Variants in PTPRD observed in about 807,000 individuals in gnomAD.
The protein encoded by PTPRD is receptor-type tyrosine-protein phosphatase delta.
In PTPRD, 34 loss-of-function variants were observed where a neutral mutation model predicts 214.5. The ratio of observed to expected loss-of-function variants is 0.16; its 90% CI spans 0.12 to 0.21. PTPRD has a LOEUF of 0.21. Among genes scored for constraint, PTPRD ranks in the 10% least tolerant of loss-of-function variants. The pLI, the probability that PTPRD is intolerant of heterozygous loss-of-function variation, is 1.00. For missense variants in PTPRD, 2,545 were observed against 2,398.7 expected, an observed-to-expected ratio of 1.06 and a Z score of -1.27; for synonymous variants, 1,128 against 845.7, an observed-to-expected ratio of 1.33 and a Z score of -5.79.
chr9:9,684,563 C>A (rs1044983439), intron 7 of PTPRD, among the ~76,000 whole-genome samples: 3 of 151,534 alleles, frequency 2.0e-5, no homozygotes, highest in Non-Finnish European at 4.4e-5. Flanking sequence ...AATATTAATA[C>A]TTGGGAGGAG....
chr9:8,353,048 C>G (rs1588434017), intron 39 of PTPRD, among the ~76,000 whole-genome samples: 1 of 151,882 alleles, frequency 6.6e-6, no homozygotes, highest in African/African-American at 2.4e-5. Flanking sequence ...AAGGTGGAGG[C>G]TGCAGTGAGC....
intron 11 of PTPRD, among the ~76,000 whole-genome samples, chr9:8,793,137 T>C (rs1566103471): frequency 6.6e-6 from 1 of 152,196 alleles, no homozygotes; most frequent in Non-Finnish European, 1.5e-5. Flanking sequence ...ACTATGCACA[T>C]ATTGTCTGTA....
chr9:9,694,071 T>C (rs2097325545), intron 7 of PTPRD, among the ~76,000 whole-genome samples: 1 of 152,212 alleles, frequency 6.6e-6, no homozygotes, highest in African/African-American at 2.4e-5. Context: ...AAAGGTTATA[T>C]AGCTCTGTTT....
chr9:9,486,181 A>AAAAAAAAAAAAAAAAT (rs1311084260), intron 8 of PTPRD, among the ~76,000 whole-genome samples: 1 of 135,274 alleles, frequency 7.4e-6, no homozygotes, highest in Non-Finnish European at 1.6e-5. Flanking sequence ...AAAAAAAAAA[A>AAAAAAAAAAAAAAAAT]AAAAGCCTTC....
At chr9:9,528,013 T>C (rs558938948) in intron 8 of PTPRD, among the ~76,000 whole-genome samples, 3 of 152,346 alleles carry the variant, frequency 2.0e-5, no homozygotes, top group South Asian at 2.1e-4. Flanking sequence ...CATTCAATTA[T>C]ACCAAATAAT....
chr9:8,886,324 C>G (rs1270853465), intron 11 of PTPRD, among the ~76,000 whole-genome samples: 3 of 152,046 alleles, frequency 2.0e-5, no homozygotes, highest in Non-Finnish European at 4.4e-5. Context: ...GAAAGGGAAC[C>G]CTTTCATAAT....
chr9:9,475,812 G>C (rs912237857), intron 8 of PTPRD, among the ~76,000 whole-genome samples: 2 of 152,142 alleles, frequency 1.3e-5, no homozygotes, highest in African/African-American at 2.4e-5. Flanking sequence ...GCAATCTGAA[G>C]TTTCAGCACA....
intron 7 of PTPRD, among the ~76,000 whole-genome samples, chr9:9,597,535 T>C (rs1038962537): frequency 3.9e-5 from 6 of 152,020 alleles, no homozygotes; most frequent in African/African-American, 7.2e-5. Context: ...ATGTCTGTTA[T>C]AGGAATATTC....
chr9:9,729,357 G>A (rs2098145040), intron 7 of PTPRD, among the ~76,000 whole-genome samples: 1 of 152,050 alleles, frequency 6.6e-6, no homozygotes, highest in South Asian at 2.1e-4. Flanking sequence ...GAGAAAGACT[G>A]AAAATGCACA....
At chr9:9,330,740 A>C (rs1394561344) in intron 9 of PTPRD, among the ~76,000 whole-genome samples, 1 of 151,960 alleles carries the variant, frequency 6.6e-6, no homozygotes, top group African/African-American at 2.4e-5. Context: ...AGAGAGAAAA[A>C]AGTCATTGAA....
intron 2 of PTPRD, among the ~76,000 whole-genome samples, chr9:10,606,829 A>G (rs949875630): frequency 1.3e-5 from 2 of 151,976 alleles, no homozygotes; most frequent in Non-Finnish European, 2.9e-5. Flanking sequence ...ACATTTGAGA[A>G]CTATAACTTT....
intron 11 of PTPRD, among the ~76,000 whole-genome samples, chr9:8,832,828 G>C (rs1402052675): frequency 6.6e-6 from 1 of 151,636 alleles, no homozygotes; most frequent in East Asian, 1.9e-4. Context: ...CTCTTTTTCA[G>C]ATTGCATGAG....
chr9:9,769,285 A>T (rs10465103), intron 5 of PTPRD, among the ~76,000 whole-genome samples: 25,811 of 141,630 alleles, frequency 0.18, 2,779 homozygotes, highest in East Asian at 0.28. Context: ...GGTGGACAAG[A>T]TATTTTGTAA....
At position 9,389,371 on chromosome 9, in the gene PTPRD, G is replaced by A. The variant is rs190757136; in HGVS notation, c.-203+8078C>T. Reference sequence around the variant, plus strand: ...ACTAAAAATACAAAATTAGCCGGGCGTGGTGGCACATGCCTGTAATCCCAG... The same window carrying A: ...ACTAAAAATACAAAATTAGCCGGGCATGGTGGCACATGCCTGTAATCCCAG... On this transcript the variant is annotated intron_variant, in intron 9 of 45. Transcript: ENST00000381196. Among the ~76,000 whole-genome samples the A allele has an allele frequency of 1.2e-3, 179 of 152,032 alleles. 1 individual carries two copies. Among genetic ancestry groups the A allele is most frequent in the African/African-American group, 3.6e-3 (150 of 41,456 alleles).
chr9:9,676,706 A>T (rs895986839), intron 7 of PTPRD, among the ~76,000 whole-genome samples: 43 of 152,172 alleles, frequency 2.8e-4, no homozygotes, highest in African/African-American at 9.6e-4. Flanking sequence ...CGCCACACTG[A>T]CTTCCACAAT....
chr9:9,982,236 G>A lies in PTPRD; in HGVS notation c.-471-43626C>T, dbSNP rs897579684. ...GCCTTTTTGAGGCACTTAGCCAGTC[G>A]TCTTTATATTCATCTTTGTCACTGA... is the stretch of plus-strand genomic sequence containing the variant. On this transcript the variant is annotated intron_variant, in intron 4 of 45. Coordinates refer to ENST00000381196, the MANE Select transcript of PTPRD (RefSeq NM_002839.4). Among the ~76,000 whole-genome samples, 12 of 152,186 alleles carry A rather than the reference G, an allele frequency of 7.9e-5. No homozygotes were observed. In the Middle Eastern group the frequency reaches 0.01, roughly 129 times the overall value.
chr9:9,025,808 T>C (rs1014156539), intron 10 of PTPRD, among the ~76,000 whole-genome samples: 1 of 152,014 alleles, frequency 6.6e-6, no homozygotes, highest in African/African-American at 2.4e-5. Context: ...ATAATACTTA[T>C]CTTTCATAAC....
chr9:10,040,657 G>C (rs1372417623), intron 3 of PTPRD, among the ~76,000 whole-genome samples: 1 of 151,970 alleles, frequency 6.6e-6, no homozygotes, highest in Non-Finnish European at 1.5e-5. Context: ...CTAAATCAGT[G>C]GTCATGGGCT....
At chr9:9,335,148 G>A (rs922940982) in intron 9 of PTPRD, among the ~76,000 whole-genome samples, 7 of 151,906 alleles carry the variant, frequency 4.6e-5, no homozygotes, top group Non-Finnish European at 1.0e-4. Flanking sequence ...CTGATATTCC[G>A]TGTTAGCTTT....
Sources: gnomAD v4.1 joint callset for allele counts (sites outside exome capture counted in the v4.1 genomes callset) on GRCh38, gnomAD v4.1.1 for gene constraint, MANE v1.5 for transcripts, NCBI Gene and HGNC (gene_info 2026-07-23, HGNC 2026-07-21) for gene names.